The following CSMD1 variants were observed in gnomAD, a reference collection of about 807,000 sequenced individuals.
CSMD1 encodes CUB and sushi domain-containing protein 1.
In CSMD1, 213 loss-of-function variants were observed where a neutral mutation model predicts 417.5. The ratio of observed to expected loss-of-function variants is 0.51; its 90% CI spans 0.46 to 0.57. The LOEUF is 0.57. CSMD1 is among the 20% of genes least tolerant of loss of function. The probability of loss-of-function intolerance (pLI) is 0.00; values close to 1 mark genes in which losing one functional copy is unlikely to be tolerated. For missense variants in CSMD1, 6,923 were observed against 4,529.7 expected (o/e 1.53, Z -15.17); for synonymous variants, 2,862 against 1,736.8 (o/e 1.65, Z -16.11).
chr8:4,830,081 T>C (rs1800063508), intron 1 of CSMD1, among the ~76,000 whole-genome samples: 1 of 152,182 alleles, frequency 6.6e-6, no homozygotes, highest in Admixed American at 6.5e-5. Flanking sequence ...AGGCCAGGGA[T>C]ACCCAGGTAC....
chr8:4,108,514 T>C (rs879776669), intron 3 of CSMD1, among the ~76,000 whole-genome samples: 1 of 152,210 alleles, frequency 6.6e-6, no homozygotes, highest in African/African-American at 2.4e-5. Context: ...GCAGTTTTAA[T>C]TTGATAATTT....
At chr8:4,572,512 G>T (rs1267867521) in intron 2 of CSMD1, among the ~76,000 whole-genome samples, 1 of 152,178 alleles carries the variant, frequency 6.6e-6, no homozygotes, top group Non-Finnish European at 1.5e-5. Flanking sequence ...GCTTGCCTTT[G>T]TGGGTAACCC....
At chr8:3,941,106 G>C (rs760154543) in intron 5 of CSMD1, among the ~76,000 whole-genome samples, 3 of 151,670 alleles carry the variant, frequency 2.0e-5, no homozygotes, top group Non-Finnish European at 4.4e-5. Flanking sequence ...ATTTATGCTA[G>C]AAAATAAAAA....
At chr8:3,190,172 T>G (rs1336673891) in intron 33 of CSMD1, 57 bp from the exon 34 acceptor site, 1 of 1,424,038 alleles carries the variant, frequency 7.0e-7, no homozygotes, top group Non-Finnish European at 9.7e-7. Flanking sequence ...GCCAGGACGT[T>G]GCGTGGAACG....
At chr8:3,236,831 T>C (rs1013825679) in intron 26 of CSMD1, among the ~76,000 whole-genome samples, 2 of 152,184 alleles carry the variant, frequency 1.3e-5, no homozygotes, top group African/African-American at 2.4e-5. Flanking sequence ...ATCCATCTTA[T>C]CCCTCAACGA....
At chr8:4,000,241 T>C (rs1020954762) in intron 4 of CSMD1, among the ~76,000 whole-genome samples, 4 of 151,410 alleles carry the variant, frequency 2.6e-5, no homozygotes, top group Admixed American at 2.6e-4. Context: ...CCCCCCGCCC[T>C]CCGTGGACAC....
intron 2 of CSMD1, among the ~76,000 whole-genome samples, chr8:4,538,592 G>A (rs1367763299): frequency 3.3e-5 from 5 of 151,938 alleles, no homozygotes; most frequent in East Asian, 1.9e-4. Context: ...GCAGTGAGCC[G>A]AGATCGCACC....
chr8:3,498,532 T>C (rs2117328488), intron 10 of CSMD1, among the ~76,000 whole-genome samples: 1 of 152,342 alleles, frequency 6.6e-6, no homozygotes, highest in Non-Finnish European at 1.5e-5. Flanking sequence ...TGGATCTGAA[T>C]GCACATATTT....
At chr8:4,333,035 C>G (rs572110459) in intron 3 of CSMD1, among the ~76,000 whole-genome samples, 32 of 151,880 alleles carry the variant, frequency 2.1e-4, no homozygotes, top group Admixed American at 5.2e-4. Flanking sequence ...ATCCCACACA[C>G]AGCAACCATT....
At chr8:3,565,131 C>CAGCAAAAAA (rs1799643238) in intron 10 of CSMD1, among the ~76,000 whole-genome samples, 1 of 10,448 alleles carries the variant, frequency 9.6e-5, no homozygotes, top group Non-Finnish European at 1.9e-4. Flanking sequence ...TGCAAGACAG[C>CAGCAAAAAA]AAAAAAAAAA....
At chr8:4,011,912 A>G (rs1028715225) in intron 4 of CSMD1, among the ~76,000 whole-genome samples, 3 of 152,124 alleles carry the variant, frequency 2.0e-5, no homozygotes, top group Non-Finnish European at 2.9e-5. Context: ...ATTTGCATAT[A>G]ACTTATACAC....
intron 5 of CSMD1, among the ~76,000 whole-genome samples, chr8:3,973,332 G>A (rs1279888870): frequency 6.6e-6 from 1 of 152,156 alleles, no homozygotes; most frequent in African/African-American, 2.4e-5. Flanking sequence ...TCTGCACTCT[G>A]CTTGGTGCTA....
intron 26 of CSMD1, among the ~76,000 whole-genome samples, chr8:3,238,069 A>G (rs112576460): frequency 0.16 from 24,375 of 151,798 alleles, 2,185 homozygotes; most frequent in East Asian, 0.28. Flanking sequence ...CTGGGTGCAG[A>G]CGGGCTGAGT....
intron 28 of CSMD1, among the ~76,000 whole-genome samples, chr8:3,221,069 G>C (rs948545530): frequency 1.1e-4 from 17 of 152,158 alleles, no homozygotes; most frequent in African/African-American, 3.1e-4. Flanking sequence ...AAATGTTCTA[G>C]GTGGCTCCAC....
intron 1 of CSMD1, among the ~76,000 whole-genome samples, chr8:4,758,132 C>G (rs1310292217): frequency 6.6e-6 from 1 of 152,168 alleles, no homozygotes; most frequent in East Asian, 1.9e-4. Flanking sequence ...GCAACATTGA[C>G]CAACCAAAAT....
intron 5 of CSMD1, among the ~76,000 whole-genome samples, chr8:3,908,049 A>T (rs75162148): frequency 0.014 from 2,158 of 152,170 alleles, 43 homozygotes; most frequent in African/African-American, 0.048. Flanking sequence ...TTTGACCCCA[A>T]AGTCTGACTC....
intron 3 of CSMD1, among the ~76,000 whole-genome samples, chr8:4,298,054 C>T (rs1016606222): frequency 2.0e-5 from 3 of 152,094 alleles, no homozygotes; most frequent in Non-Finnish European, 2.9e-5. Flanking sequence ...AGCATCACTA[C>T]CAGTACATGC....
At chr8:4,690,791 C>A (rs1022680580) in intron 1 of CSMD1, among the ~76,000 whole-genome samples, 8 of 152,076 alleles carry the variant, frequency 5.3e-5, no homozygotes, top group African/African-American at 1.9e-4. Context: ...TTCACTGGTG[C>A]GATCTCGGCT....
At chr8:3,683,402 G>T (rs892638495) in intron 7 of CSMD1, among the ~76,000 whole-genome samples, 2 of 151,948 alleles carry the variant, frequency 1.3e-5, no homozygotes, top group Non-Finnish European at 2.9e-5. Context: ...TATCACTAAA[G>T]TAATTACAGG....
Sources: gnomAD v4.1 joint callset for allele counts (sites outside exome capture counted in the v4.1 genomes callset) on GRCh38, gnomAD v4.1.1 for gene constraint, MANE v1.5 for transcripts, NCBI Gene and HGNC (gene_info 2026-07-23, HGNC 2026-07-21) for gene names.